ANKS1B: variants seen among roughly 807,000 people sequenced by gnomAD.
ANKS1B encodes the protein ankyrin repeat and sterile alpha motif domain-containing protein 1B.
ANKS1B carries 36 observed loss-of-function variants against 148.3 expected under a neutral mutation model. The observed-to-expected ratio is 0.24, with a 90% CI of 0.19 to 0.32. The LOEUF is 0.32. Among genes scored for constraint, ANKS1B ranks in the 10% least tolerant of loss-of-function variants. The pLI is 1.00. For missense variants in ANKS1B, 1,157 were observed against 1,542.6 expected, an observed-to-expected ratio of 0.75 and a Z score of 4.19; for synonymous variants, 542 against 560.8, an observed-to-expected ratio of 0.97 and a Z score of 0.47.
rs151135709 is a variant in ANKS1B, at chr12:98,864,703, C to G, written c.2779-32567G>C. 5.3e-5 allele frequency among the ~76,000 whole-genome samples: 8 copies of G among 152,314 alleles called. No individual in the cohort carries two copies. The East Asian group carries it at 1.5e-3, about 29-fold the overall frequency. On this transcript the variant is annotated intron_variant, in intron 17 of 26. Transcript: ENST00000683438. ...ATACCTTTCTATGTATGTATACTTA[C>G]ATCCTAGTGGTTCTGTTTCTCTGGA...
chr12:98,788,809 G>A lies in ANKS1B; in HGVS notation c.3343-6672C>T, dbSNP rs142774082. The stretch of plus-strand genomic sequence containing the variant: ...TCTCTGCTGCTGTGCATGTAAACTC[G>A]CTGTACTGCATCCTACATTAATTCA... On this transcript the variant is annotated intron_variant, in intron 22 of 26. Coordinates refer to ENST00000683438, the MANE Select transcript of ANKS1B (RefSeq NM_001352186.2). 3.3e-5 allele frequency among the ~76,000 whole-genome samples: 5 copies of A among 152,308 alleles called. No homozygotes were observed. The East Asian group carries it at 7.7e-4, about 23-fold the overall frequency.
intron 12 of ANKS1B, among the ~76,000 whole-genome samples, chr12:99,390,625 C>T (rs1304311166): frequency 6.6e-6 from 1 of 152,208 alleles, no homozygotes; most frequent in Non-Finnish European, 1.5e-5. Flanking sequence ...GAAAAGAGAG[C>T]TCTGGGTTCC....
At chr12:99,221,370 T>C (rs1601806457) in intron 14 of ANKS1B, among the ~76,000 whole-genome samples, 1 of 152,046 alleles carries the variant, frequency 6.6e-6, no homozygotes, top group African/African-American at 2.4e-5. Context: ...AAAATTTGCA[T>C]GGTAAAAATC....
intron 9 of ANKS1B, among the ~76,000 whole-genome samples, chr12:99,558,264 G>A (rs2097298504): frequency 6.6e-6 from 1 of 152,118 alleles, no homozygotes; most frequent in Non-Finnish European, 1.5e-5. Flanking sequence ...GCAGAGATGG[G>A]GTTGTCAGAG....
At chr12:99,603,201 T>C (rs980089438) in intron 9 of ANKS1B, among the ~76,000 whole-genome samples, 2 of 152,046 alleles carry the variant, frequency 1.3e-5, no homozygotes, top group Admixed American at 6.6e-5. Context: ...GCATATTGGC[T>C]CTTTTTAAGT....
Position 99,405,560 on chromosome 12 carries a change from C to A in ANKS1B, c.1576-5749G>T, listed in dbSNP as rs1274989346. 1.4e-5 allele frequency among the ~76,000 whole-genome samples: 2 copies of A among 144,238 alleles called. 1 individual carries two copies. Among genetic ancestry groups the A allele is most frequent in the Non-Finnish European group, 3.1e-5 (2 of 65,392 alleles). 94.6% of individuals were successfully genotyped at this position (144,238 alleles called of 152,430 possible). Reference sequence around the variant, plus strand: ...TACAATAGATACATAAGAAATAAAACAAGAAATTAAAACATACCAGCAGAG... The same window carrying A: ...TACAATAGATACATAAGAAATAAAAAAAGAAATTAAAACATACCAGCAGAG... On this transcript the variant is annotated intron_variant, in intron 11 of 26. Transcript: ENST00000683438.
rs191294307 is a variant in ANKS1B at position 98,780,324 on chromosome 12, T to C, written c.3441+793A>G. On this transcript the variant is annotated intron_variant, in intron 24 of 26. Coordinates refer to ENST00000683438, the MANE Select transcript of ANKS1B (RefSeq NM_001352186.2). ...ATGCAGGAATAAAACACATGAACGT[T>C]TGGGGTTTTGTGAGGAGGAGTCAGT... 5.4e-4 allele frequency among the ~76,000 whole-genome samples: 83 copies of C among 152,348 alleles called. 1 individual carries two copies. The highest frequency in any genetic ancestry group is 1.6e-3 in the Admixed American group (24 of 15,308).
intron 17 of ANKS1B, among the ~76,000 whole-genome samples, chr12:99,005,815 T>C (rs778582852): frequency 6.6e-6 from 1 of 152,112 alleles, no homozygotes; most frequent in Non-Finnish European, 1.5e-5. Context: ...TTAAAGCAGA[T>C]GTGAGTCAAA....
intron 10 of ANKS1B, among the ~76,000 whole-genome samples, chr12:99,467,728 A>G (rs2096151697): frequency 6.6e-6 from 1 of 152,238 alleles, no homozygotes; most frequent in African/African-American, 2.4e-5. Context: ...AATCCAACTT[A>G]TAAGGGACAT....
intron 10 of ANKS1B, among the ~76,000 whole-genome samples, chr12:99,463,885 C>T (rs541753090): frequency 6.6e-6 from 1 of 152,210 alleles, no homozygotes; most frequent in South Asian, 2.1e-4. Context: ...AAAAAGACAG[C>T]AGTAACCTCT....
intron 25 of ANKS1B, among the ~76,000 whole-genome samples, chr12:98,768,472 T>G (rs372677010): frequency 7.3e-6 from 1 of 136,930 alleles, no homozygotes; most frequent in Non-Finnish European, 1.5e-5. Flanking sequence ...CGGTGGCTCA[T>G]GCCTGTAATC....
chr12:99,636,136 A>C (rs751852455), intron 9 of ANKS1B, among the ~76,000 whole-genome samples: 2 of 152,274 alleles, frequency 1.3e-5, no homozygotes, highest in African/African-American at 4.8e-5. Flanking sequence ...AAAGTCTGTT[A>C]AATATATTTG....
chr12:99,172,898 ATAT>A (rs1256223551), intron 14 of ANKS1B, among the ~76,000 whole-genome samples: 1 of 152,170 alleles, frequency 6.6e-6, no homozygotes, highest in Non-Finnish European at 1.5e-5. Flanking sequence ...TATTGACTAT[ATAT>A]TATTAGCTAT....
chr12:99,171,061 A>G (rs2077703940), intron 14 of ANKS1B, among the ~76,000 whole-genome samples: 2 of 152,218 alleles, frequency 1.3e-5, no homozygotes, highest in African/African-American at 4.8e-5. Flanking sequence ...GCTGGTGTCT[A>G]TGTGAGCCTG....
intron 9 of ANKS1B, among the ~76,000 whole-genome samples, chr12:99,650,854 T>C (rs1224752053): frequency 6.6e-6 from 1 of 151,940 alleles, no homozygotes; most frequent in Non-Finnish European, 1.5e-5. Context: ...ATTCTAATTT[T>C]GCAAGTAAAA....
intron 15 of ANKS1B, among the ~76,000 whole-genome samples, chr12:99,088,277 A>G (rs943873634): frequency 2.6e-5 from 4 of 151,610 alleles, no homozygotes; most frequent in African/African-American, 9.7e-5. Flanking sequence ...ACACTAGGGG[A>G]CTTGGAGTCT....
intron 8 of ANKS1B, among the ~76,000 whole-genome samples, chr12:99,691,264 T>G (rs2098677949): frequency 6.6e-6 from 1 of 152,224 alleles, no homozygotes; most frequent in Admixed American, 6.5e-5. Context: ...TATGAACGTC[T>G]CTGATATGCC....
At chr12:99,799,965 G>A (rs2066735918) in intron 4 of ANKS1B, among the ~76,000 whole-genome samples, 1 of 152,094 alleles carries the variant, frequency 6.6e-6, no homozygotes, top group Non-Finnish European at 1.5e-5. Flanking sequence ...GTGTTTTTGA[G>A]TAGGAAAATG....
At chr12:98,756,808 AC>A (rs2098258618) in intron 25 of ANKS1B, among the ~76,000 whole-genome samples, 1 of 147,628 alleles carries the variant, frequency 6.8e-6, no homozygotes, top group Non-Finnish European at 1.5e-5. Context: ...GCTCACTGCA[AC>A]CTGTGCCTCC....
Sources: gnomAD v4.1 joint callset for allele counts (sites outside exome capture counted in the v4.1 genomes callset) on GRCh38, gnomAD v4.1.1 for gene constraint, MANE v1.5 for transcripts, NCBI Gene and HGNC (gene_info 2026-07-23, HGNC 2026-07-21) for gene names.